Variants in TECPR2 observed in about 807,000 individuals in gnomAD.
TECPR2 encodes tectonin beta-propeller repeat containing 2, also known as tectonin beta-propeller repeat-containing protein 2.
In TECPR2, 65 loss-of-function variants were observed where a neutral mutation model predicts 138.1. That is an observed-to-expected ratio of 0.47 (90% confidence interval 0.39 to 0.58). The LOEUF is 0.58. Ranked by LOEUF, TECPR2 falls within the 20% of genes least tolerant of loss-of-function variation. The pLI, the probability that TECPR2 is intolerant of heterozygous loss-of-function variation, is 0.00. For synonymous variants in TECPR2, 746 were observed against 749.8 expected, an observed-to-expected ratio of 0.99 and a Z score of 0.08; for missense variants, 1,553 against 1,824.5, an observed-to-expected ratio of 0.85 and a Z score of 2.71.
chr14:102,392,273 G>A (rs113540730), intron 2 of TECPR2, among the ~76,000 whole-genome samples: 1,816 of 152,244 alleles, frequency 0.012, 43 homozygotes, highest in African/African-American at 0.042. Flanking sequence ...GATTACAGGC[G>A]TGAGCCACTG....
At chr14:102,433,002 CA>C (rs567150393) in intron 8 of TECPR2, among the ~76,000 whole-genome samples, 298 of 51,628 alleles carry the variant, frequency 5.8e-3, no homozygotes, top group East Asian at 0.024. Flanking sequence ...GACTCCGTCT[CA>C]AAAAAAAAAA....
chr14:102,484,480 C>T (rs1402592522), intron 17 of TECPR2, among the ~76,000 whole-genome samples: 1 of 152,162 alleles, frequency 6.6e-6, no homozygotes, highest in Non-Finnish European at 1.5e-5. Context: ...GCCCTGAGCA[C>T]ATGCATGGAG....
At chr14:102,437,957 G>C in intron 9 of TECPR2, 65 bp from the exon 10 acceptor site, 6 of 1,556,206 alleles carry the variant, frequency 3.9e-6, no homozygotes, top group Non-Finnish European at 5.2e-6. Context: ...CTTTCTTACT[G>C]AGAACAGTAA....
chr14:102,459,897 G>C (rs965759648), intron 16 of TECPR2, among the ~76,000 whole-genome samples: 1 of 152,162 alleles, frequency 6.6e-6, no homozygotes, highest in Non-Finnish European at 1.5e-5. Context: ...TGCTCCCTCG[G>C]GGACAGTGTT....
chr14:102,413,831 C>T (rs1888950800), intron 4 of TECPR2, among the ~76,000 whole-genome samples: 1 of 151,852 alleles, frequency 6.6e-6, no homozygotes, highest in African/African-American at 2.4e-5. Context: ...CAGAGTCTCA[C>T]TCTGCTACCT....
rs571486043 is a variant in TECPR2 at position 102,402,944 on chromosome 14, T to C, written c.220-4394T>C. On this transcript the variant is annotated intron_variant, in intron 2 of 19. Transcript: ENST00000359520. ...GCCCTAGACACGAAGCCTTCACCAGTGAATTTAACCAAGCATTTAAAGAAG... is the reference window on the plus strand; with the variant it reads ...GCCCTAGACACGAAGCCTTCACCAGCGAATTTAACCAAGCATTTAAAGAAG... Among the ~76,000 whole-genome samples the C allele has an allele frequency of 9.2e-5, 14 of 152,306 alleles. No individual in the cohort carries two copies. In the East Asian group the frequency reaches 2.7e-3, roughly 29 times the overall value.
intron 2 of TECPR2, among the ~76,000 whole-genome samples, chr14:102,397,933 C>T (rs536474704): frequency 3.8e-4 from 56 of 148,994 alleles, no homozygotes; most frequent in South Asian, 8.5e-4. Context: ...ATTAGCTGGG[C>T]GTGGTGGCAC....
chr14:102,488,485 G>A (rs756602731), intron 17 of TECPR2, among the ~76,000 whole-genome samples: 3 of 151,536 alleles, frequency 2.0e-5, no homozygotes, highest in Admixed American at 6.6e-5. Context: ...GATTACAGGC[G>A]CCCCCCACCA....
intron 10 of TECPR2, among the ~76,000 whole-genome samples, chr14:102,439,155 C>T (rs569679040): frequency 1.1e-4 from 17 of 152,194 alleles, no homozygotes; most frequent in African/African-American, 3.9e-4. Context: ...AGAGCCACTA[C>T]GCCCGGCTTT....
chr14:102,473,839 T>C (rs1595143287), intron 17 of TECPR2, among the ~76,000 whole-genome samples: 1 of 152,334 alleles, frequency 6.6e-6, no homozygotes. Flanking sequence ...GCATAGTTGG[T>C]GTGAAGTTTC....
At chr14:102,441,884 G>C (rs181335252) in intron 11 of TECPR2, among the ~76,000 whole-genome samples, 10 of 152,352 alleles carry the variant, frequency 6.6e-5, no homozygotes, top group Admixed American at 5.9e-4. Flanking sequence ...TGGAAGGACT[G>C]TGGGGCAGGA....
chr14:102,368,779 G>A (rs995098720), intron 1 of TECPR2, among the ~76,000 whole-genome samples: 3 of 152,168 alleles, frequency 2.0e-5, no homozygotes, highest in Non-Finnish European at 2.9e-5. Flanking sequence ...CATGGCAGCA[G>A]TGTAGGCGAG....
At position 102,415,578 on chromosome 14, in the gene TECPR2, G is replaced by A. The variant is rs1228761853; in HGVS notation, c.638+785G>A. Among the ~76,000 whole-genome samples, 4 of 152,130 alleles carry A rather than the reference G, an allele frequency of 2.6e-5. No homozygotes were observed. The highest frequency in any genetic ancestry group is 5.9e-5 in the Non-Finnish European group (4 of 68,024). ...GTTTGCGTGGGGATGGGGTGAGGAG[G>A]GGTAGGTAGAGCAGTGGAGCTGACC... On this transcript the variant is annotated intron_variant, in intron 5 of 19. Transcript: ENST00000359520. The surrounding 1 kb of genome is among the most constrained non-coding windows in gnomAD (Gnocchi z 4.3).
chr14:102,430,199 C>T (rs1274584598), intron 7 of TECPR2, among the ~76,000 whole-genome samples: 4 of 152,146 alleles, frequency 2.6e-5, no homozygotes, highest in Non-Finnish European at 5.9e-5. Context: ...GTCTCGAACT[C>T]CTGAGCTCAG....
intron 17 of TECPR2, among the ~76,000 whole-genome samples, chr14:102,487,007 C>T (rs888206996): frequency 6.6e-6 from 1 of 152,174 alleles, no homozygotes; most frequent in Non-Finnish European, 1.5e-5. Context: ...GCCTCAGCGC[C>T]CCCTGAGGCT....
At position 102,439,966 on chromosome 14, in the gene TECPR2, A is replaced by G. The variant is rs1477041906; in HGVS notation, c.2579-470A>G. Among the ~76,000 whole-genome samples, 4 of 152,222 alleles carry G rather than the reference A, an allele frequency of 2.6e-5. No homozygotes were observed. In the East Asian group the frequency reaches 7.7e-4, roughly 29 times the overall value. On this transcript the variant is annotated intron_variant, in intron 10 of 19. Coordinates refer to ENST00000359520, the MANE Select transcript of TECPR2 (RefSeq NM_014844.5). ...TCTGTGCACCTTTTCCATTCAGCTC[A>G]TCCAGAACTGATCCTTCTCTTTGAA... is the stretch of plus-strand genomic sequence containing the variant.
chr14:102,391,591 A>G (rs1285570250), intron 2 of TECPR2, among the ~76,000 whole-genome samples: 3 of 152,136 alleles, frequency 2.0e-5, no homozygotes, highest in Non-Finnish European at 2.9e-5. Flanking sequence ...CATGTTATAT[A>G]TAGTCATGGA....
At position 102,496,997 on chromosome 14, in the gene TECPR2, G is replaced by A. The variant is rs1396870832; in HGVS notation, c.3808G>A (p.Val1270Ile). ...CTTCCAGCCCGCCGGGGTCAGCTTG[G>A]TCAGCGTCCATTCCAGCCCCAACGA... is the stretch of plus-strand genomic sequence containing the variant. ...PPVQPAGVSLVSVHSSPNDQM... is the reference protein window; with the variant it reads ...PPVQPAGVSLISVHSSPNDQM... The change falls in exon 18 of 20, where the codon GTC becomes ATC. Residue 1270 changes from valine to isoleucine, a missense_variant. Coordinates refer to ENST00000359520, the MANE Select transcript of TECPR2 (RefSeq NM_014844.5). The A allele has an allele frequency of 1.2e-6, 2 of 1,613,924 alleles. No individual in the cohort carries two copies. Among genetic ancestry groups the A allele is most frequent in the East Asian group, 2.2e-5 (1 of 44,864 alleles).
rs368506480 is a variant in TECPR2 at position 102,474,111 on chromosome 14, T to C, written c.3789+8822T>C. Among the ~76,000 whole-genome samples, 39 of 151,980 alleles carry C rather than the reference T, an allele frequency of 2.6e-4. No individual in the cohort carries two copies. In the South Asian group the frequency reaches 4.6e-3, roughly 18 times the overall value. On this transcript the variant is annotated intron_variant, in intron 17 of 19. Transcript: ENST00000359520. ...CGTCTCTACAGGTAATTTTTTAAATTAGCCAGGTGTGTTGGCGTGCACCTG... is the reference window on the plus strand; with the variant it reads ...CGTCTCTACAGGTAATTTTTTAAATCAGCCAGGTGTGTTGGCGTGCACCTG...
Sources: allele counts gnomAD v4.1 joint callset (sites outside exome capture counted in the v4.1 genomes callset), GRCh38; gene constraint gnomAD v4.1.1; non-coding constraint Gnocchi (gnomAD v3.1); transcripts MANE v1.5; gene names NCBI Gene and HGNC (gene_info 2026-07-23, HGNC 2026-07-21).